Variants in KCNQ5 observed in about 807,000 individuals in gnomAD.
KCNQ5 encodes potassium voltage-gated channel subfamily Q member 5, also known as potassium voltage-gated channel subfamily KQT member 5.
Under a neutral mutation model 98.2 loss-of-function variants are expected in KCNQ5, and 30 were observed. The ratio of observed to expected loss-of-function variants is 0.31; its 90% CI spans 0.23 to 0.41. KCNQ5 has a LOEUF of 0.41. KCNQ5 is among the 10% of genes least tolerant of loss of function. The pLI, the probability that KCNQ5 is intolerant of heterozygous loss-of-function variation, is 1.00. For synonymous variants in KCNQ5, 458 were observed against 449.4 expected (o/e 1.02, Z -0.24); for missense variants, 835 against 1,182.5 (o/e 0.71, Z 4.31).
chr6:72,829,328 C>T (rs1044410546), intron 1 of KCNQ5, among the ~76,000 whole-genome samples: 15 of 152,132 alleles, frequency 9.9e-5, no homozygotes, highest in Non-Finnish European at 2.9e-5. Flanking sequence ...AGCAATTAGA[C>T]AGATGAGAAA....
At chr6:72,778,620 G>A (rs1440662339) in intron 1 of KCNQ5, among the ~76,000 whole-genome samples, 1 of 150,090 alleles carries the variant, frequency 6.7e-6, no homozygotes, top group Non-Finnish European at 1.5e-5. Context: ...AAAAAAAAAG[G>A]TAACTATGTG....
At chr6:72,696,729 C>T (rs1768526213) in intron 1 of KCNQ5, among the ~76,000 whole-genome samples, 1 of 151,966 alleles carries the variant, frequency 6.6e-6, no homozygotes, top group African/African-American at 2.4e-5. Flanking sequence ...TAAATAGAGG[C>T]ATACTTGGAT....
At chr6:72,983,608 G>A (rs1768583773) in intron 1 of KCNQ5, among the ~76,000 whole-genome samples, 1 of 152,064 alleles carries the variant, frequency 6.6e-6, no homozygotes, top group Non-Finnish European at 1.5e-5. Context: ...TCCTTGTGAT[G>A]GGCTCGAACA....
chr6:72,986,507 C>A (rs1029342859), intron 1 of KCNQ5: 4 of 545,756 alleles, frequency 7.3e-6, no homozygotes, highest in Non-Finnish European at 1.3e-5. Flanking sequence ...CCACATCCCC[C>A]TCTAAGAGTG....
chr6:72,637,463 T>C (rs1267702380), intron 1 of KCNQ5, among the ~76,000 whole-genome samples: 1 of 152,074 alleles, frequency 6.6e-6, no homozygotes, highest in East Asian at 1.9e-4. Flanking sequence ...CTTCCATTTG[T>C]TCAACTTTCT....
Position 72,910,256 on chromosome 6 carries a change from G to T in KCNQ5, c.399-93652G>T, listed in dbSNP as rs145640444. Among the ~76,000 whole-genome samples, 336 of 152,094 alleles carry T rather than the reference G, an allele frequency of 2.2e-3. 2 individuals carry two copies. Among genetic ancestry groups the T allele is most frequent in the Non-Finnish European group, 1.8e-3 (121 of 67,966 alleles). The stretch of plus-strand genomic sequence containing the variant: ...CAAATTTCCAAGGAAATTCCAAATT[G>T]CTAAGTTTAGAGCTGGACAGGACCT... On this transcript the variant is annotated intron_variant, in intron 1 of 13. Coordinates refer to ENST00000370398, the MANE Select transcript of KCNQ5 (RefSeq NM_019842.4).
At chr6:73,097,244 C>T (rs893557668) in intron 5 of KCNQ5, among the ~76,000 whole-genome samples, 2 of 150,716 alleles carry the variant, frequency 1.3e-5, no homozygotes, top group Non-Finnish European at 3.0e-5. Flanking sequence ...AACCCCCAGC[C>T]TCTGGTAACC....
chr6:73,093,502 GTC>G (rs1257184659), intron 5 of KCNQ5, among the ~76,000 whole-genome samples: 2 of 152,046 alleles, frequency 1.3e-5, no homozygotes, highest in African/African-American at 4.8e-5. Context: ...ACCTTAGATT[GTC>G]TGTTTGTGCT....
At chr6:73,124,293 G>A (rs1013220463) in intron 8 of KCNQ5, among the ~76,000 whole-genome samples, 193 bp from the exon 9 acceptor site, 1 of 152,114 alleles carries the variant, frequency 6.6e-6, no homozygotes, top group Non-Finnish European at 1.5e-5. Flanking sequence ...TGCTATCTCT[G>A]GTCTGTATCA....
intron 2 of KCNQ5, among the ~76,000 whole-genome samples, chr6:73,024,286 A>G (rs764013945): frequency 3.9e-5 from 6 of 152,092 alleles, no homozygotes; most frequent in Non-Finnish European, 8.8e-5. Context: ...TCAAAGGACA[A>G]GGTAATTAAA....
At chr6:72,953,985 C>T (rs975724802) in intron 1 of KCNQ5, among the ~76,000 whole-genome samples, 1 of 152,094 alleles carries the variant, frequency 6.6e-6, no homozygotes, top group African/African-American at 2.4e-5. Flanking sequence ...TAACGAACCA[C>T]CAACAAAGAA....
chr6:73,082,182 C>G (rs1773804433), intron 5 of KCNQ5, among the ~76,000 whole-genome samples: 1 of 152,194 alleles, frequency 6.6e-6, no homozygotes, highest in Non-Finnish European at 1.5e-5. Context: ...AGCAGACCAT[C>G]CCTGCCCAGA....
At chr6:73,165,567 A>G (rs747024448) in intron 10 of KCNQ5, among the ~76,000 whole-genome samples, 1 of 152,180 alleles carries the variant, frequency 6.6e-6, no homozygotes, top group Non-Finnish European at 1.5e-5. Flanking sequence ...TGGATTTGAT[A>G]TGGGGTCCAC....
intron 1 of KCNQ5, among the ~76,000 whole-genome samples, chr6:72,668,345 G>T (rs1202538789): frequency 6.6e-6 from 1 of 152,168 alleles, no homozygotes; most frequent in Non-Finnish European, 1.5e-5. Context: ...ATACAATGAT[G>T]AGAAAACGGA....
chr6:72,716,006 G>A (rs367676146), intron 1 of KCNQ5, among the ~76,000 whole-genome samples: 2 of 152,042 alleles, frequency 1.3e-5, no homozygotes, highest in African/African-American at 4.8e-5. Context: ...ATATTATAGA[G>A]TTCCTCTTCC....
intron 1 of KCNQ5, among the ~76,000 whole-genome samples, chr6:72,772,877 T>C (rs949753084): frequency 6.6e-5 from 10 of 152,190 alleles, no homozygotes; most frequent in African/African-American, 2.4e-4. Flanking sequence ...AAAGAGCTTT[T>C]ATTGAAAGGA....
intron 1 of KCNQ5, among the ~76,000 whole-genome samples, chr6:72,954,829 T>G (rs568647215): frequency 6.6e-6 from 1 of 152,264 alleles, no homozygotes; most frequent in Admixed American, 6.5e-5. Flanking sequence ...ACAAGATGCT[T>G]GAAAAAGAAG....
intron 10 of KCNQ5, among the ~76,000 whole-genome samples, chr6:73,165,471 G>A (rs1221169875): frequency 6.6e-6 from 1 of 152,128 alleles, no homozygotes; most frequent in African/African-American, 2.4e-5. Flanking sequence ...AATTTCCAGG[G>A]TCTGTATATT....
intron 6 of KCNQ5, among the ~76,000 whole-genome samples, chr6:73,110,830 T>C (rs971299506): frequency 3.3e-5 from 5 of 152,200 alleles, no homozygotes; most frequent in African/African-American, 1.2e-4. Flanking sequence ...ATCAAAGTGC[T>C]AGAAGTATTC....
Sources: allele counts gnomAD v4.1 joint callset (sites outside exome capture counted in the v4.1 genomes callset), GRCh38; gene constraint gnomAD v4.1.1; transcripts MANE v1.5; gene names NCBI Gene and HGNC (gene_info 2026-07-23, HGNC 2026-07-21).